MAP2: variants seen among roughly 807,000 people sequenced by gnomAD.
MAP2 encodes microtubule associated protein 2.
In MAP2, 14 loss-of-function variants were observed where a neutral mutation model predicts 137.6. That is an observed-to-expected ratio of 0.10 (90% confidence interval 0.07 to 0.16). MAP2 has a LOEUF of 0.16. MAP2 is among the 10% of genes least tolerant of loss of function. The pLI is 1.00. For synonymous variants in MAP2, 786 were observed against 782.3 expected, an observed-to-expected ratio of 1.00 and a Z score of -0.08; for missense variants, 2,088 against 2,191.5, an observed-to-expected ratio of 0.95 and a Z score of 0.94.
At position 209,729,981 on chromosome 2, in the gene MAP2, A is replaced by G. The variant is rs568725668; in HGVS notation, c.5268+19A>G. The G allele has an allele frequency of 2.7e-6, 4 of 1,479,156 alleles. No homozygotes were observed. The African/African-American group carries it at 6.7e-5, about 25-fold the overall frequency. 91.6% of individuals were successfully genotyped at this position (1,479,156 alleles called of 1,614,324 possible). ...TGTCAAGGTAAGAAACAAGGTTATG[A>G]GCCAATCTTGTCTTTTTAAAAAAAA... On this transcript the variant is annotated intron_variant, in intron 15 of 15. Transcript: ENST00000682079.
At position 209,700,238 on chromosome 2, in the gene MAP2, C is replaced by A. The variant is rs2061422342; in HGVS notation, c.4523-39C>A. On this transcript the variant is annotated intron_variant, in intron 10 of 15. Coordinates refer to ENST00000682079, the MANE Select transcript of MAP2 (RefSeq NM_001375505.1). ...TAAAACTGCATTTATGACTTTTTAG[C>A]AACTAAGTTTGGGGTTGTTTGTCTT... The A allele has an allele frequency of 8.3e-6, 13 of 1,566,846 alleles. No individual in the cohort carries two copies. The East Asian group carries it at 2.5e-4, about 30-fold the overall frequency.
At chr2:209,466,906 A>C (rs537775835) in intron 1 of MAP2, among the ~76,000 whole-genome samples, 3 of 152,252 alleles carry the variant, frequency 2.0e-5, no homozygotes, top group Admixed American at 6.5e-5. Flanking sequence ...TTTTCCCACT[A>C]ACCCCTCTCC....
chr2:209,680,721 A>C, intron 6 of MAP2, 29 bp from the exon 7 acceptor site: 1 of 1,582,190 alleles, frequency 6.3e-7, no homozygotes, highest in Non-Finnish European at 8.7e-7. Context: ...TAATTATTGC[A>C]TCTCATTTTT....
intron 14 of MAP2, among the ~76,000 whole-genome samples, chr2:209,726,312 C>A (rs1054155205): frequency 6.6e-6 from 1 of 152,154 alleles, no homozygotes; most frequent in Non-Finnish European, 1.5e-5. Context: ...TGACCATGAA[C>A]CCCTTTTGGT....
In MAP2 at chr2:209,626,625, A is replaced by G. The variant is rs74420920; in HGVS notation, c.-30+1496A>G. On this transcript the variant is annotated intron_variant, in intron 4 of 15. Coordinates refer to ENST00000682079, the MANE Select transcript of MAP2 (RefSeq NM_001375505.1). ...TTCCTGTGTGTGTTCTAACACTGCT[A>G]TGACATGTGTAAGAAACAAATGTTG... 3.8e-3 allele frequency among the ~76,000 whole-genome samples: 586 copies of G among 152,300 alleles called. 11 individuals are homozygous for G. Among genetic ancestry groups the G allele is most frequent in the East Asian group, 0.035 (182 of 5,176 alleles).
chr2:209,452,375 C>T (rs566506492), intron 1 of MAP2, among the ~76,000 whole-genome samples: 1 of 152,310 alleles, frequency 6.6e-6, no homozygotes, highest in South Asian at 2.1e-4. Flanking sequence ...GAAAGGCATT[C>T]TGTCAGGAAC....
In MAP2 at chr2:209,694,991, G is replaced by A; in HGVS notation, c.2821G>A (p.Gly941Ser). Residue 941 changes from glycine to serine, a missense_variant, in exon 8 of 16, where the codon GGT becomes AGT. By Grantham distance (56) the Gly-to-Ser change is moderately conservative (BLOSUM62 0). Around this residue, in one of 6 missense-constraint regions of MAP2, gnomAD observed 500 missense variants for 482.9 expected, o/e 1.04. Transcript: ENST00000682079. ...VDKEASAHIS[G>S]DKSGLSKEFD... ...CAAAGAAGCATCCGCGCATATCTCTGGTGACAAATCAGGACTGAGTAAGGA... is the reference window on the plus strand; with the variant it reads ...CAAAGAAGCATCCGCGCATATCTCTAGTGACAAATCAGGACTGAGTAAGGA... 3 of 1,614,088 alleles carry A rather than the reference G, an allele frequency of 1.9e-6. No individual in the cohort carries two copies. Among genetic ancestry groups the A allele is most frequent in the Non-Finnish European group, 2.5e-6 (3 of 1,180,016 alleles).
intron 2 of MAP2, among the ~76,000 whole-genome samples, chr2:209,576,300 G>C (rs1419592204): frequency 6.6e-6 from 1 of 152,128 alleles, no homozygotes; most frequent in Non-Finnish European, 1.5e-5. Flanking sequence ...CTGGAGTGCA[G>C]TGGTGCGATC....
At chr2:209,660,691 G>T (rs190522605) in intron 5 of MAP2, among the ~76,000 whole-genome samples, 1 of 141,908 alleles carries the variant, frequency 7.0e-6, no homozygotes, top group Non-Finnish European at 1.5e-5. Flanking sequence ...CACCGTGCCC[G>T]GCCTGCTGCA....
At chr2:209,432,429 A>G (rs577184164) in intron 1 of MAP2, among the ~76,000 whole-genome samples, 3 of 152,306 alleles carry the variant, frequency 2.0e-5, no homozygotes, top group Admixed American at 6.5e-5. Context: ...ATCTGCACCC[A>G]TGCTGCTTAA....
chr2:209,682,236 A>G (rs1391767337), intron 7 of MAP2, among the ~76,000 whole-genome samples: 4 of 152,210 alleles, frequency 2.6e-5, no homozygotes, highest in Admixed American at 2.6e-4. Context: ...ATAGCCGGTA[A>G]TCCCAGCACT....
At chr2:209,598,156 C>A (rs894037866) in intron 3 of MAP2, among the ~76,000 whole-genome samples, 2 of 152,152 alleles carry the variant, frequency 1.3e-5, no homozygotes, top group African/African-American at 4.8e-5. Flanking sequence ...TAGGCACCCA[C>A]CACCATGCCC....
chr2:209,575,192 A>G (rs1013664369), intron 2 of MAP2, among the ~76,000 whole-genome samples: 7 of 152,168 alleles, frequency 4.6e-5, no homozygotes, highest in Admixed American at 1.3e-4. Flanking sequence ...TTTACATCCT[A>G]TAATAGAAAT....
chr2:209,677,476 G>A (rs891193226), intron 5 of MAP2, among the ~76,000 whole-genome samples: 1 of 151,874 alleles, frequency 6.6e-6, no homozygotes, highest in African/African-American at 2.4e-5. Context: ...ATCACTTGTT[G>A]CATAGCTTCC....
At chr2:209,605,059 G>A (rs1028472807) in intron 3 of MAP2, among the ~76,000 whole-genome samples, 13 of 152,188 alleles carry the variant, frequency 8.5e-5, no homozygotes, top group Admixed American at 2.0e-4. Flanking sequence ...GAGTATATGC[G>A]TGTGTATGCA....
intron 1 of MAP2, among the ~76,000 whole-genome samples, chr2:209,492,187 AAC>A (rs2059197134): frequency 6.6e-6 from 1 of 152,168 alleles, no homozygotes; most frequent in Non-Finnish European, 1.5e-5. Flanking sequence ...AATGACAAAA[AAC>A]ACATGATTAT....
chr2:209,539,276 GA>G (rs1215934630), intron 2 of MAP2, among the ~76,000 whole-genome samples: 2 of 152,144 alleles, frequency 1.3e-5, no homozygotes, highest in Non-Finnish European at 2.9e-5. Flanking sequence ...AATATTAATG[GA>G]ATTGCATTTC....
chr2:209,688,272 T>C (rs777560227), intron 7 of MAP2, among the ~76,000 whole-genome samples: 2 of 152,280 alleles, frequency 1.3e-5, no homozygotes, highest in South Asian at 2.1e-4. Flanking sequence ...TTCTGCTCCC[T>C]GCCAATAATC....
intron 4 of MAP2, among the ~76,000 whole-genome samples, chr2:209,642,561 G>A (rs1462637118): frequency 2.0e-5 from 3 of 151,988 alleles, no homozygotes; most frequent in Non-Finnish European, 2.9e-5. Context: ...ATAACCTAAT[G>A]TTATCTGTGC....
Sources: gnomAD v4.1 joint callset for allele counts (sites outside exome capture counted in the v4.1 genomes callset) on GRCh38, gnomAD v4.1.1 for gene constraint, gnomAD v4.1.1 regional missense constraint, MANE v1.5 for transcripts, NCBI Gene and HGNC (gene_info 2026-07-23, HGNC 2026-07-21) for gene names.